Variants in MAP3K11 observed in about 807,000 individuals in gnomAD.
The protein encoded by MAP3K11 is SH3 domain-containing proline-rich kinase.
A neutral mutation model predicts 84.9 loss-of-function variants in MAP3K11; 46 were observed. That is an observed-to-expected ratio of 0.54 (90% confidence interval 0.43 to 0.69). The LOEUF is 0.69. Ranked by LOEUF, MAP3K11 falls within the 30% of genes least tolerant of loss-of-function variation. The probability of loss-of-function intolerance (pLI) is 0.00; values close to 1 mark genes in which losing one functional copy is unlikely to be tolerated. For missense variants in MAP3K11, 1,053 were observed against 1,198.3 expected (o/e 0.88, Z 1.79); for synonymous variants, 527 against 514.7 (o/e 1.02, Z -0.32).
chr11:65,606,121 C>T, intron 6 of MAP3K11, 40 bp from the exon 7 acceptor site: 3 of 1,537,674 alleles, frequency 2.0e-6, no homozygotes, highest in Non-Finnish European at 2.6e-6. Flanking sequence ...AATCTTTATT[C>T]TCCCTCCATC....
rs758537099 is a variant in MAP3K11 at position 65,598,367 on chromosome 11, C to T, written c.2468G>A (p.Gly823Glu). 1.4e-5 allele frequency: 22 copies of T among 1,546,268 alleles called. No homozygotes were observed. The highest frequency in any genetic ancestry group is 1.8e-5 in the Non-Finnish European group (21 of 1,144,102). Residue 823 changes from glycine (G) to glutamate (E), a missense_variant, in exon 10 of 10, where the codon GGG becomes GAG. Physicochemically the swap from Gly to Glu is moderately conservative, Grantham distance 98. Coordinates refer to ENST00000309100, the MANE Select transcript of MAP3K11 (RefSeq NM_002419.4). Reference sequence around the variant, plus strand: ...CTGTGCCCTGCAGTCCTGGGGGCCCCCCTGGAAGGGGTTGGCAGGTGGGGA... The same window carrying T: ...CTGTGCCCTGCAGTCCTGGGGGCCCTCCTGGAAGGGGTTGGCAGGTGGGGA... Reference protein sequence around the residue: ...WDSPPANPFQGGPQDCRAQTK... With the variant: ...WDSPPANPFQEGPQDCRAQTK...
In MAP3K11 at chr11:65,607,964, TG is replaced by T; in HGVS notation, c.1026del (p.Ile343SerfsTer76). ...AAGGGCTCGGGGCAGGTGGATGGGA[TG>T]GGCAGTGTGAGCTTGTTAACAGCTA... ...YGVAVNKLTL[P>X]IPSTCPEPFA... On this transcript the variant is annotated frameshift_variant, in exon 3 of 10. Coordinates refer to ENST00000309100, the MANE Select transcript of MAP3K11 (RefSeq NM_002419.4). LOFTEE classifies it high-confidence loss of function. The T allele has an allele frequency of 6.2e-7, 1 of 1,614,164 alleles. No homozygotes were observed. Among genetic ancestry groups the T allele is most frequent in the Non-Finnish European group, 8.5e-7 (1 of 1,180,014 alleles).
At chr11:65,607,205 C>T in intron 5 of MAP3K11, 65 bp downstream of exon 5, 4 of 1,417,178 alleles carry the variant, frequency 2.8e-6, no homozygotes, top group Non-Finnish European at 3.7e-6. Context: ...GGTGAGCACA[C>T]AGGCCTGGCT....
chr11:65,598,676 G>GAGGTCCCCAAGACACTGTCCTGCTC, intron 9 of MAP3K11, 48 bp from the exon 10 acceptor site: 1 of 1,378,250 alleles, frequency 7.3e-7, no homozygotes, highest in South Asian at 1.5e-5. Context: ...CCCAACTGCT[G>GAGGTCCCCAAGACACTGTCCTGCTC]AGGTCCCCAA....
At chr11:65,600,928 A>G (rs191073023) in intron 8 of MAP3K11, among the ~76,000 whole-genome samples, 23 of 151,944 alleles carry the variant, frequency 1.5e-4, no homozygotes, top group Non-Finnish European at 2.9e-4. Flanking sequence ...GTCAGCCCCA[A>G]CCCTTACTCA....
In MAP3K11 at chr11:65,606,824, G is replaced by C. The variant is rs1854514097; in HGVS notation, c.1490-20C>G. The stretch of plus-strand genomic sequence containing the variant: ...TGAAGTCTGGGATTTGGGTTGGGGG[G>C]AGCAGGGTTCAGGTTTGTGATGAAG... On this transcript the variant is annotated intron_variant, in intron 5 of 9. Transcript: ENST00000309100. 1 of 1,533,490 alleles carries C rather than the reference G, an allele frequency of 6.5e-7. No homozygotes were observed. Among genetic ancestry groups the C allele is most frequent in the South Asian group, 1.1e-5 (1 of 87,604 alleles). The allele number at this position is 1,533,490 out of a possible 1,614,324, so 95.0% of individuals were successfully genotyped here.
intron 9 of MAP3K11, 151 bp from the exon 10 acceptor site, chr11:65,598,779 G>GT (rs1854415442): frequency 3.7e-6 from 2 of 545,962 alleles, no homozygotes; most frequent in Admixed American, 3.9e-5. Flanking sequence ...TGGTGCCTCT[G>GT]TTTTTTGTAA....
chr11:65,604,670 G>A (rs1367564050), intron 8 of MAP3K11, among the ~76,000 whole-genome samples: 2 of 152,176 alleles, frequency 1.3e-5, no homozygotes, highest in Non-Finnish European at 2.9e-5. Flanking sequence ...AACCAACAAA[G>A]GTTAGCTGTT....
chr11:65,599,617 CAGGTCGCGGCCA>C lies in MAP3K11; in HGVS notation c.1971_1982del (p.Gly658_Leu661del). 1 of 1,537,680 alleles carries C rather than the reference CAGGTCGCGGCCA, an allele frequency of 6.5e-7. No individual in the cohort carries two copies. Among genetic ancestry groups the C allele is most frequent in the Non-Finnish European group, 8.7e-7 (1 of 1,147,974 alleles). ...CGCGTCCTGGGCCTCCCGGCGGCTG[CAGGTCGCGGCCA>C]AGGCCCAGCGAGGCGAGCAGGGCGG... On this transcript the variant is annotated inframe_deletion, in exon 9 of 10. Transcript: ENST00000309100.
In MAP3K11 at chr11:65,598,615, TGA is replaced by T. The variant is rs1240102527; in HGVS notation, c.2218_2219del (p.Ser740ThrfsTer37). 1 of 1,527,132 alleles carries T rather than the reference TGA, an allele frequency of 6.5e-7. No individual in the cohort carries two copies. The highest frequency in any genetic ancestry group is 8.8e-7 in the Non-Finnish European group (1 of 1,132,904). The allele number at this position is 1,527,132 out of a possible 1,614,324, so 94.6% of individuals were successfully genotyped here. On this transcript the variant is annotated frameshift_variant, in exon 10 of 10. Transcript: ENST00000309100. LOFTEE classifies it high-confidence loss of function. ...REEEPRGGTVSPPPGTSRSAP... is the reference protein window; with the variant it reads ...REEEPRGGTVXPPPGTSRSAP... ...CAGAGCGTGATGTCCCCGGTGGGGGTGAGACAGTGCCTCCTGTGAGGATATAG... is the reference window on the plus strand; with the variant it reads ...CAGAGCGTGATGTCCCCGGTGGGGGTGACAGTGCCTCCTGTGAGGATATAG...
chr11:65,612,332 C>G (rs1854578840), intron 1 of MAP3K11: 1 of 152,290 alleles, frequency 6.6e-6, no homozygotes, highest in African/African-American at 2.4e-5. Flanking sequence ...ACTCCCATCC[C>G]AAGCACTGAT....
rs1854593930 is a variant in MAP3K11 at position 65,613,065 on chromosome 11, C to A, written c.692G>T (p.Cys231Phe). The change falls in exon 1 of 10, where the codon TGC becomes TTC. Residue 231 changes from cysteine (C) to phenylalanine (F), a missense_variant. Coordinates refer to ENST00000309100, the MANE Select transcript of MAP3K11 (RefSeq NM_002419.4). ...GTGGATGACGGGCACCAGGGCCTCG[C>A]AGTGCAGGTAGTGCATCCCACGGGC... ...QIARGMHYLH[C>F]EALVPVIHRD... The A allele has an allele frequency of 1.3e-6, 2 of 1,524,338 alleles. No individual in the cohort carries two copies. The highest frequency in any genetic ancestry group is 2.8e-5 in the African/African-American group (2 of 72,026). The allele number at this position is 1,524,338 out of a possible 1,614,324, so 94.4% of individuals were successfully genotyped here.
In MAP3K11 at chr11:65,613,976, GGGGGGT is replaced by G; in HGVS notation, c.-226_-221del. ...CACCCAGGGCAGTGTGGTCAGGCCGGGGGGGTGGGGCCCCGGGGCCTCCGGCGCCTC... is the reference window on the plus strand; with the variant it reads ...CACCCAGGGCAGTGTGGTCAGGCCGGGGGGCCCCGGGGCCTCCGGCGCCTC... On this transcript the variant is annotated 5_prime_UTR_variant, in exon 1 of 10. Transcript: ENST00000309100. 1 of 588,378 alleles carries G rather than the reference GGGGGGT, an allele frequency of 1.7e-6. No homozygotes were observed. Among genetic ancestry groups the G allele is most frequent in the South Asian group, 2.6e-5 (1 of 39,044 alleles). 36.4% of individuals were successfully genotyped at this position (588,378 alleles called of 1,614,324 possible). A position where few individuals can be genotyped will look rare whatever the true frequency, so the allele number is the denominator to read the frequency against.
At chr11:65,605,141 TG>T (rs1162880339) in intron 8 of MAP3K11, among the ~76,000 whole-genome samples, 2 of 152,076 alleles carry the variant, frequency 1.3e-5, no homozygotes, top group Non-Finnish European at 2.9e-5. Context: ...ATCTGCAAAA[TG>T]GGGTAATAGT....
At position 65,613,907 on chromosome 11, in the gene MAP3K11, G is replaced by T; in HGVS notation, c.-151C>A. Reference sequence around the variant, plus strand: ...CCCACGCCTCTCTGGGGAGCCAGGAGTGTTGTCTCCCGGCCCCCCGCATCT... The same window carrying T: ...CCCACGCCTCTCTGGGGAGCCAGGATTGTTGTCTCCCGGCCCCCCGCATCT... On this transcript the variant is annotated 5_prime_UTR_variant, in exon 1 of 10. Transcript: ENST00000309100. The T allele has an allele frequency of 1.1e-6, 1 of 878,550 alleles. No homozygotes were observed. The allele number at this position is 878,550 out of a possible 1,614,324, so 54.4% of individuals were successfully genotyped here.
intron 8 of MAP3K11, among the ~76,000 whole-genome samples, chr11:65,604,643 C>T (rs1854487614): frequency 1.3e-5 from 2 of 152,080 alleles, no homozygotes; most frequent in East Asian, 3.9e-4. Context: ...CACAGAACTG[C>T]TTGGCACATA....
chr11:65,607,946 C>T lies in MAP3K11; in HGVS notation c.1045G>A (p.Glu349Lys), dbSNP rs755072324. ...CCGGCCATAAGCTGTGCGAAGGGCT[C>T]GGGGCAGGTGGATGGGATGGGCAGT... is the stretch of plus-strand genomic sequence containing the variant. ...LTLPIPSTCP[E>K]PFAQLMADCW... The change falls in exon 3 of 10, where the codon GAG becomes AAG. Residue 349 changes from glutamate to lysine, a missense_variant. Around this residue, in one of 3 missense-constraint regions of MAP3K11, gnomAD observed 310 missense variants for 464.5 expected, o/e 0.67. Transcript: ENST00000309100. 3.7e-6 allele frequency: 6 copies of T among 1,613,952 alleles called. No homozygotes were observed. The East Asian group carries it at 6.7e-5, about 18-fold the overall frequency.
In MAP3K11 at chr11:65,613,092, A is replaced by G; in HGVS notation, c.665T>C (p.Ile222Thr). The change falls in exon 1 of 10, where the codon ATT (isoleucine) becomes ACT (threonine). Residue 222 changes from isoleucine (I) to threonine (T), a missense_variant. Physicochemically the swap from Ile to Thr is moderately conservative, Grantham distance 89. Coordinates refer to ENST00000309100, the MANE Select transcript of MAP3K11 (RefSeq NM_002419.4). Reference protein sequence around the residue: ...PHVLVNWAVQIARGMHYLHCE... With the variant: ...PHVLVNWAVQTARGMHYLHCE... ...GTGCAGGTAGTGCATCCCACGGGCA[A>G]TCTGCACAGCCCAGTTGACCAGCAC... is the stretch of plus-strand genomic sequence containing the variant. The G allele has an allele frequency of 2.6e-6, 4 of 1,551,212 alleles. No individual in the cohort carries two copies. The highest frequency in any genetic ancestry group is 1.2e-5 in the South Asian group (1 of 81,106).
chr11:65,601,053 C>T (rs1415745635), intron 8 of MAP3K11, among the ~76,000 whole-genome samples: 2 of 152,150 alleles, frequency 1.3e-5, no homozygotes, highest in African/African-American at 4.8e-5. Context: ...TAAAAACTAC[C>T]CATCACTTCC....
Sources: gnomAD v4.1 joint callset for allele counts (sites outside exome capture counted in the v4.1 genomes callset) on GRCh38, gnomAD v4.1.1 for gene constraint, gnomAD v4.1.1 regional missense constraint, MANE v1.5 for transcripts, NCBI Gene and HGNC (gene_info 2026-07-23, HGNC 2026-07-21) for gene names.